Variants in PRR16 observed in about 807,000 individuals in gnomAD.
PRR16 encodes protein Largen.
PRR16 carries 6 observed loss-of-function variants against 18.2 expected under a neutral mutation model. That is an observed-to-expected ratio of 0.33 (90% CI 0.18 to 0.65). PRR16 has a LOEUF of 0.65. Ranked by LOEUF, PRR16 falls within the 30% of genes least tolerant of loss-of-function variation. PRR16 has a pLI of 0.74. For missense variants in PRR16, 412 were observed against 376.6 expected (o/e 1.09, Z -0.78); for synonymous variants, 151 against 147.8 (o/e 1.02, Z -0.16).
At chr5:120,530,765 G>T (rs1231321916) in intron 1 of PRR16, among the ~76,000 whole-genome samples, 1 of 152,028 alleles carries the variant, frequency 6.6e-6, no homozygotes, top group Non-Finnish European at 1.5e-5. Context: ...AAGGAGAAAG[G>T]TAAAGGTTAT....
At chr5:120,546,822 G>A (rs893585422) in intron 1 of PRR16, among the ~76,000 whole-genome samples, 1 of 151,946 alleles carries the variant, frequency 6.6e-6, no homozygotes, top group Non-Finnish European at 1.5e-5. Flanking sequence ...TGGCCCACTG[G>A]TAAAAGAAAG....
At chr5:120,553,305 A>G (rs1033287357) in intron 1 of PRR16, among the ~76,000 whole-genome samples, 2 of 151,866 alleles carry the variant, frequency 1.3e-5, no homozygotes, top group Non-Finnish European at 1.5e-5. Context: ...CTCATGTTAC[A>G]TAGGAAGGAC....
intron 1 of PRR16, among the ~76,000 whole-genome samples, chr5:120,597,832 G>A (rs1753861683): frequency 6.6e-6 from 1 of 151,488 alleles, no homozygotes; most frequent in African/African-American, 2.4e-5. Flanking sequence ...TTCTCCCTTT[G>A]CCTTTTCATT....
chr5:120,780,629 G>T, the PRR16 span, among the ~76,000 whole-genome samples: 1 of 152,120 alleles, frequency 6.6e-6, no homozygotes, highest in African/African-American at 2.4e-5. Flanking sequence ...CCCAAATTAA[G>T]TCTGAGCTAG....
intron 1 of PRR16, among the ~76,000 whole-genome samples, chr5:120,553,873 T>C (rs1219448644): frequency 6.6e-6 from 1 of 151,904 alleles, no homozygotes; most frequent in Non-Finnish European, 1.5e-5. Flanking sequence ...AGATTGGATA[T>C]AGGAAATTTT....
intron 1 of PRR16, among the ~76,000 whole-genome samples, chr5:120,671,580 A>C (rs1371571275): frequency 6.6e-6 from 1 of 152,214 alleles, no homozygotes; most frequent in Non-Finnish European, 1.5e-5. Flanking sequence ...TAATTTAAGC[A>C]AATAAAGTAT....
the PRR16 span, among the ~76,000 whole-genome samples, chr5:120,791,591 CT>C: frequency 5.7e-5 from 4 of 70,368 alleles, no homozygotes; most frequent in Non-Finnish European, 1.1e-4. Context: ...TATCATCTAT[CT>C]ATCTATCTAT....
At chr5:120,607,069 G>A (rs930606206) in intron 1 of PRR16, among the ~76,000 whole-genome samples, 1 of 152,168 alleles carries the variant, frequency 6.6e-6, no homozygotes, top group Non-Finnish European at 1.5e-5. Flanking sequence ...ATTGTTGCAT[G>A]TAGAAATTTT....
the PRR16 span, among the ~76,000 whole-genome samples, chr5:120,735,849 T>G: frequency 6.6e-6 from 1 of 152,220 alleles, no homozygotes; most frequent in Admixed American, 6.5e-5. Flanking sequence ...TTGTGTATTT[T>G]TGCTTTCATT....
chr5:120,471,253 A>T (rs1170990043), intron 1 of PRR16, among the ~76,000 whole-genome samples: 1 of 152,174 alleles, frequency 6.6e-6, no homozygotes, highest in Non-Finnish European at 1.5e-5. Flanking sequence ...ATTCAACAAA[A>T]ATGTTGATAA....
intron 1 of PRR16, among the ~76,000 whole-genome samples, chr5:120,467,637 T>A (rs1437010434): frequency 6.6e-6 from 1 of 152,120 alleles, no homozygotes. Context: ...GACAAAACTC[T>A]AGTCTGCTCA....
At chr5:120,510,550 A>G (rs1339743446) in intron 1 of PRR16, among the ~76,000 whole-genome samples, 1 of 152,198 alleles carries the variant, frequency 6.6e-6, no homozygotes, top group Non-Finnish European at 1.5e-5. Context: ...CTGTATTCAC[A>G]TGTTAGATAT....
the PRR16 span, among the ~76,000 whole-genome samples, chr5:120,738,946 CATT>C: frequency 1.3e-5 from 2 of 152,126 alleles, no homozygotes; most frequent in African/African-American, 4.8e-5. Context: ...TTTTGTATGA[CATT>C]AATATTTCCT....
Position 120,615,025 on chromosome 5 carries a change from C to T in PRR16, c.160-70929C>T, listed in dbSNP as rs868118904. Reference sequence around the variant, plus strand: ...GTAAAGATTCTGACATGCATTGTTACTTCCCTATTCTGTTGACTGTATAAC... The same window carrying T: ...GTAAAGATTCTGACATGCATTGTTATTTCCCTATTCTGTTGACTGTATAAC... On this transcript the variant is annotated intron_variant, in intron 1 of 1. Transcript: ENST00000407149. Among the ~76,000 whole-genome samples the T allele has an allele frequency of 5.4e-5, 8 of 147,376 alleles. No individual in the cohort carries two copies. In the South Asian group the frequency reaches 8.9e-4, roughly 16 times the overall value.
chr5:120,715,719 CT>C, the PRR16 span, among the ~76,000 whole-genome samples: 2 of 152,070 alleles, frequency 1.3e-5, no homozygotes, highest in Non-Finnish European at 2.9e-5. Flanking sequence ...TGGTATTTTT[CT>C]TTTGTTATTT....
At chr5:120,757,275 G>A in the PRR16 span, among the ~76,000 whole-genome samples, 14 of 152,048 alleles carry the variant, frequency 9.2e-5, no homozygotes, top group South Asian at 1.9e-3. Context: ...CGTTCTTTTG[G>A]TATAGAATTT....
At chr5:120,765,011 CTTTA>C in the PRR16 span, among the ~76,000 whole-genome samples, 1 of 151,964 alleles carries the variant, frequency 6.6e-6, no homozygotes, top group Non-Finnish European at 1.5e-5. Flanking sequence ...CTCCTGAGTG[CTTTA>C]TTCTTCACCC....
chr5:120,715,219 A>G, the PRR16 span, among the ~76,000 whole-genome samples: 31 of 152,300 alleles, frequency 2.0e-4, no homozygotes, highest in East Asian at 6.0e-3. Context: ...TGTGTTCTAT[A>G]AAACTTTATT....
At chr5:120,614,454 C>T (rs1395860787) in intron 1 of PRR16, among the ~76,000 whole-genome samples, 1 of 152,200 alleles carries the variant, frequency 6.6e-6, no homozygotes, top group Non-Finnish European at 1.5e-5. Context: ...TTCCAATGGC[C>T]AATGCCAAGC....
Sources: allele counts gnomAD v4.1 joint callset (sites outside exome capture counted in the v4.1 genomes callset), GRCh38; gene constraint gnomAD v4.1.1; transcripts MANE v1.5; gene names NCBI Gene and HGNC (gene_info 2026-07-23, HGNC 2026-07-21).